The following TLR1 variants were observed in gnomAD, a reference collection of about 807,000 sequenced individuals.
TLR1 encodes the protein toll like receptor 1.
In TLR1, 19 loss-of-function variants were observed where a neutral mutation model predicts 20.2. That is an observed-to-expected ratio of 0.94 (90% CI 0.66 to 1.38). The LOEUF (loss-of-function observed/expected upper bound fraction) is 1.38, where lower values mean the gene tolerates loss of function less well. TLR1 is among the 40% of genes most tolerant of loss of function. The probability of loss-of-function intolerance (pLI) is 0.00; values close to 1 mark genes in which losing one functional copy is unlikely to be tolerated. For missense variants in TLR1, 921 were observed against 910.0 expected (o/e 1.01, Z -0.16); for synonymous variants, 320 against 334.5 (o/e 0.96, Z 0.47).
At chr4:38,794,914 AT>A (rs1725936216), downstream of TLR1, among the ~76,000 whole-genome samples, 1 of 151,790 alleles carries the variant, frequency 6.6e-6, no homozygotes, top group Admixed American at 6.6e-5. Flanking sequence ...TTTTTATTTT[AT>A]TTATTTTTTC....
downstream of TLR1, among the ~76,000 whole-genome samples, chr4:38,789,526 G>C (rs868565338): frequency 4.6e-5 from 7 of 150,804 alleles, no homozygotes; most frequent in Non-Finnish European, 5.9e-5. Flanking sequence ...CTGCCGCTCA[G>C]GCTAGAGTGC....
Position 38,797,523 on chromosome 4 carries a change from C to A in TLR1, c.1309G>T (p.Asp437Tyr). 1 of 1,614,086 alleles carries A rather than the reference C, an allele frequency of 6.2e-7. No homozygotes were observed. The highest frequency in any genetic ancestry group is 1.1e-5 in the South Asian group (1 of 91,074). ...SLNMSSNILT[D>Y]TIFRCLPPRI... ...GGAGGTAAACATCTGAAAATAGTGT[C>A]AGTAAGTATATTTGAAGACATATTT... The change falls in exon 4 of 4, where the codon GAC (aspartate) becomes TAC (tyrosine). Residue 437 changes from aspartate (D) to tyrosine (Y), a missense_variant. Asp to Tyr is a radical substitution (Grantham distance 160). Coordinates refer to ENST00000308979, the MANE Select transcript of TLR1 (RefSeq NM_003263.4).
chr4:38,803,185 TAA>T (rs751729758), intron 2 of TLR1, among the ~76,000 whole-genome samples: 23 of 152,226 alleles, frequency 1.5e-4, no homozygotes, highest in Non-Finnish European at 2.6e-4. Context: ...TGTTGCTGAA[TAA>T]AATCACCTTT....
At chr4:38,791,701 A>G (rs1725728441), downstream of TLR1, among the ~76,000 whole-genome samples, 1 of 152,248 alleles carries the variant, frequency 6.6e-6, no homozygotes, top group African/African-American at 2.4e-5. Flanking sequence ...TTGGTATAAT[A>G]AGGACAAGAA....
chr4:38,792,506 C>G, downstream of TLR1, among the ~76,000 whole-genome samples: 1 of 152,042 alleles, frequency 6.6e-6, no homozygotes, highest in South Asian at 2.1e-4. Context: ...GCCTCGAATG[C>G]CTGGGCTCAA....
chr4:38,795,638 G>T (rs1214310321), downstream of TLR1, among the ~76,000 whole-genome samples: 2 of 152,206 alleles, frequency 1.3e-5, no homozygotes, highest in African/African-American at 4.8e-5. Flanking sequence ...CTTGGTCTGG[G>T]CTCCCTCATA....
At chr4:38,794,859 G>C (rs573154373), downstream of TLR1, among the ~76,000 whole-genome samples, 10 of 152,254 alleles carry the variant, frequency 6.6e-5, no homozygotes, top group South Asian at 2.1e-4. Flanking sequence ...ACTGAGATGA[G>C]AGCTTTGTGG....
chr4:38,797,861 G>C lies in TLR1; in HGVS notation c.971C>G (p.Ser324Trp). 1 of 1,613,992 alleles carries C rather than the reference G, an allele frequency of 6.2e-7. No individual in the cohort carries two copies. The highest frequency in any genetic ancestry group is 8.5e-7 in the Non-Finnish European group (1 of 1,179,878). The change falls in exon 4 of 4, where the codon TCG becomes TGG. Residue 324 changes from serine to tryptophan, a missense_variant. Ser to Trp is a radical substitution (Grantham distance 177). Coordinates refer to ENST00000308979, the MANE Select transcript of TLR1 (RefSeq NM_003263.4). ...FPQSYIYEIFSNMNIKNFTVS... is the reference protein window; with the variant it reads ...FPQSYIYEIFWNMNIKNFTVS... Reference sequence around the variant, plus strand: ...TGTGAAATTTTTGATGTTCATATTCGAAAAGATTTCATAGATATAACTTTG... The same window carrying C: ...TGTGAAATTTTTGATGTTCATATTCCAAAAGATTTCATAGATATAACTTTG...
intron 2 of TLR1, among the ~76,000 whole-genome samples, chr4:38,802,062 T>C (rs1311172570): frequency 2.0e-5 from 3 of 152,146 alleles, no homozygotes; most frequent in Admixed American, 1.3e-4. Context: ...CCGGGCGTGA[T>C]GGCAGGTGCC....
chr4:38,788,547 T>C (rs552881392), downstream of TLR1, among the ~76,000 whole-genome samples: 4 of 152,344 alleles, frequency 2.6e-5, no homozygotes, highest in South Asian at 6.2e-4. Context: ...TGAACAATTA[T>C]ACACTGAATC....
In TLR1 at chr4:38,798,543, A is replaced by G; in HGVS notation, c.289T>C (p.Tyr97His). The change falls in exon 4 of 4, where the codon TAC (tyrosine) becomes CAC (histidine). Residue 97 changes from tyrosine (Y) to histidine (H), a missense_variant. Coordinates refer to ENST00000308979, the MANE Select transcript of TLR1 (RefSeq NM_003263.4). ...SVFKFNQELE[Y>H]LDLSHNKLVK... The stretch of plus-strand genomic sequence containing the variant: ...AACTTGTTGTGGGACAAATCCAAGT[A>G]TTCCAATTCCTGGTTGAATTTGAAA... The G allele has an allele frequency of 9.3e-6, 15 of 1,614,198 alleles. No homozygotes were observed. The highest frequency in any genetic ancestry group is 1.3e-5 in the Non-Finnish European group (15 of 1,180,034).
downstream of TLR1, among the ~76,000 whole-genome samples, chr4:38,792,853 T>TTATATATATATATATATATATA (rs72518392): frequency 0.012 from 1,485 of 121,720 alleles, 54 homozygotes; most frequent in African/African-American, 0.027. Flanking sequence ...TATTTTCAAA[T>TTATATATATATATATATATATA]TATATATATA....
intron 3 of TLR1, among the ~76,000 whole-genome samples, chr4:38,799,528 G>A (rs1039180810): frequency 7.9e-5 from 12 of 152,182 alleles, no homozygotes; most frequent in African/African-American, 2.7e-4. Flanking sequence ...AAGCCACCAC[G>A]TTTATGATCA....
rs1023321174 is a variant in TLR1 at position 38,804,758 on chromosome 4, A to G, written c.-241T>C. 11 of 152,300 alleles carry G rather than the reference A, an allele frequency of 7.2e-5. No individual in the cohort carries two copies. In the East Asian group the frequency reaches 1.5e-3, roughly 21 times the overall value. The allele number at this position is 152,300 out of a possible 1,614,324, so 9.4% of individuals were successfully genotyped here. On this transcript the variant is annotated 5_prime_UTR_variant, in exon 1 of 4. Transcript: ENST00000308979. ...AGAAAAGAATGTGTTGCTTACCAAGACAACCTGCTTGTCTGTTCCATTTGG... is the reference window on the plus strand; with the variant it reads ...AGAAAAGAATGTGTTGCTTACCAAGGCAACCTGCTTGTCTGTTCCATTTGG...
In TLR1 at chr4:38,797,412, T is replaced by C. The variant is rs767934804; in HGVS notation, c.1420A>G (p.Asn474Asp). ...TCAGTTAAAGAATTGAAAGCAACAT[T>C]GAGTTCTTGCAAAGCTTCCAGTTTT... Reference protein sequence around the residue: ...VVKLEALQELNVAFNSLTDLP... With the variant: ...VVKLEALQELDVAFNSLTDLP... Residue 474 changes from asparagine to aspartate, a missense_variant, in exon 4 of 4, where the codon AAT becomes GAT. Transcript: ENST00000308979. 8 of 1,614,086 alleles carry C rather than the reference T, an allele frequency of 5.0e-6. No homozygotes were observed. The highest frequency in any genetic ancestry group is 2.5e-6 in the Non-Finnish European group (3 of 1,180,028).
At chr4:38,791,009 G>T (rs1334551273) in exon 4 of TLR1, 1 of 152,106 alleles carries the variant, frequency 6.6e-6, no homozygotes, top group Non-Finnish European at 1.5e-5. Flanking sequence ...TTTTATTATG[G>T]CTTGTCATTC....
intron 3 of TLR1, among the ~76,000 whole-genome samples, chr4:38,799,586 G>T (rs1220021828): frequency 6.6e-6 from 1 of 152,190 alleles, no homozygotes; most frequent in Non-Finnish European, 1.5e-5. Context: ...TTCATAGAAA[G>T]TTTTCTGGCC....
chr4:38,792,938 CTAG>C (rs1579193881), downstream of TLR1, among the ~76,000 whole-genome samples: 3 of 150,088 alleles, frequency 2.0e-5, no homozygotes, highest in East Asian at 6.0e-4. Flanking sequence ...TGCAGTCTCG[CTAG>C]TATAGCAGGC....
chr4:38,794,934 T>C (rs1725938725), downstream of TLR1, among the ~76,000 whole-genome samples: 1 of 152,156 alleles, frequency 6.6e-6, no homozygotes, highest in South Asian at 2.1e-4. Context: ...TCTAGACTCC[T>C]TGAGTTAAGG....
Sources: gnomAD v4.1 joint callset for allele counts (sites outside exome capture counted in the v4.1 genomes callset) on GRCh38, gnomAD v4.1.1 for gene constraint, MANE v1.5 for transcripts, NCBI Gene and HGNC (gene_info 2026-07-23, HGNC 2026-07-21) for gene names.